AGAP1: variants seen among roughly 807,000 people sequenced by gnomAD.
AGAP1 encodes the protein ArfGAP with GTPase domain, ankyrin repeat and PH domain 1, also known as arf-GAP with GTPase, ANK repeat and PH domain-containing protein 1.
AGAP1 carries 29 observed loss-of-function variants against 105.3 expected under a neutral mutation model. The observed-to-expected ratio is 0.28, with a 90% CI of 0.21 to 0.38. AGAP1 has a LOEUF of 0.38. AGAP1 is among the 10% of genes least tolerant of loss of function. The pLI is 1.00. For missense variants in AGAP1, 998 were observed against 1,165.1 expected (o/e 0.86, Z 2.09); for synonymous variants, 509 against 485.9 (o/e 1.05, Z -0.63).
rs1219367076 is a variant in AGAP1, at chr2:235,957,183, T to C, written c.1484-11279T>C. Reference sequence around the variant, plus strand: ...GTCAGAATATGTACTTTTTTCTTTGTAAGGCTTTATAAACATATTTCAGTA... The same window carrying C: ...GTCAGAATATGTACTTTTTTCTTTGCAAGGCTTTATAAACATATTTCAGTA... On this transcript the variant is annotated intron_variant, in intron 12 of 17. Transcript: ENST00000304032. This position sits in a 1 kb window ranked among gnomAD's most constrained non-coding sequence, Gnocchi z 4.6. Among the ~76,000 whole-genome samples the C allele has an allele frequency of 2.0e-5, 3 of 152,204 alleles. No individual in the cohort carries two copies. The highest frequency in any genetic ancestry group is 4.4e-5 in the Non-Finnish European group (3 of 68,022).
intron 9 of AGAP1, among the ~76,000 whole-genome samples, chr2:235,861,526 G>A (rs533663835): frequency 1.8e-4 from 27 of 152,324 alleles, no homozygotes; most frequent in African/African-American, 6.3e-4. Flanking sequence ...GACATTTGGT[G>A]GAAATGAAAC....
rs1024722480 is a variant in AGAP1, at chr2:235,611,244, G to A, written c.164-97935G>A. Among the ~76,000 whole-genome samples, 1 of 152,210 alleles carries A rather than the reference G, an allele frequency of 6.6e-6. No individual in the cohort carries two copies. The highest frequency in any genetic ancestry group is 1.5e-5 in the Non-Finnish European group (1 of 68,040). ...ACCTTCCCAGGCAGCTGCAAAGGTGGTCTTGGTTTGACTCCCTTGTGGCCC... is the reference window on the plus strand; with the variant it reads ...ACCTTCCCAGGCAGCTGCAAAGGTGATCTTGGTTTGACTCCCTTGTGGCCC... On this transcript the variant is annotated intron_variant, in intron 1 of 17. Transcript: ENST00000304032. This position sits in a 1 kb window ranked among gnomAD's most constrained non-coding sequence, Gnocchi z 5.0.
chr2:235,671,079 C>T, intron 1 of AGAP1: 5 of 1,259,640 alleles, frequency 4.0e-6, no homozygotes, highest in Non-Finnish European at 5.0e-6. Flanking sequence ...GGCCGGGGGT[C>T]CCGGGACGGG....
chr2:236,110,420 G>C (rs1200344883), intron 16 of AGAP1, among the ~76,000 whole-genome samples: 1 of 151,900 alleles, frequency 6.6e-6, no homozygotes. Context: ...AAAATTAGCT[G>C]GGCGTGGTGA....
At chr2:235,903,491 T>C (rs1271206892) in intron 10 of AGAP1, among the ~76,000 whole-genome samples, 2 of 152,204 alleles carry the variant, frequency 1.3e-5, no homozygotes, top group Non-Finnish European at 2.9e-5. Context: ...CAAACCATCT[T>C]TTCACCAGAC....
intron 8 of AGAP1, among the ~76,000 whole-genome samples, chr2:235,804,910 G>A (rs1197447501): frequency 2.6e-5 from 4 of 152,148 alleles, no homozygotes; most frequent in Admixed American, 6.5e-5. Context: ...ATGATTCCTC[G>A]GATCCATTCC....
chr2:235,600,678 G>A lies in AGAP1; in HGVS notation c.163+105829G>A, dbSNP rs1255005691. Among the ~76,000 whole-genome samples the A allele has an allele frequency of 1.3e-5, 2 of 152,176 alleles. No individual in the cohort carries two copies. Among genetic ancestry groups the A allele is most frequent in the African/African-American group, 4.8e-5 (2 of 41,448 alleles). On this transcript the variant is annotated intron_variant, in intron 1 of 17. Coordinates refer to ENST00000304032, the MANE Select transcript of AGAP1 (RefSeq NM_001037131.3). The surrounding 1 kb of genome is among the most constrained non-coding windows in gnomAD (Gnocchi z 4.8). ...CATCCAGCACAGGACAAAGATACAG[G>A]CTGGGAGGCTAAGCCAGTCTTGCCT...
intron 13 of AGAP1, among the ~76,000 whole-genome samples, chr2:235,990,825 G>A (rs761493006): frequency 8.5e-5 from 13 of 152,200 alleles, no homozygotes; most frequent in Admixed American, 1.3e-4. Context: ...AATGTAATTT[G>A]CAACAGTAAA....
intron 16 of AGAP1, among the ~76,000 whole-genome samples, chr2:236,098,225 A>T (rs1346032708): frequency 6.6e-6 from 1 of 152,106 alleles, no homozygotes; most frequent in East Asian, 1.9e-4. Context: ...TGGACTATAC[A>T]CTAATTCCAC....
rs1372941574 is a variant in AGAP1, at chr2:235,728,325, G to GTT, written c.310+10682_310+10683insTT. ...TCTGTGTGTGTGTGTGTGTGTGTGT[G>GTT]TGCGTGCTCTTAAATCAATGTAAAT... On this transcript the variant is annotated intron_variant, in intron 3 of 17. Coordinates refer to ENST00000304032, the MANE Select transcript of AGAP1 (RefSeq NM_001037131.3). This position sits in a 1 kb window ranked among gnomAD's most constrained non-coding sequence, Gnocchi z 4.3. 1.3e-5 allele frequency among the ~76,000 whole-genome samples: 2 copies of GTT among 151,948 alleles called. No individual in the cohort carries two copies. Among genetic ancestry groups the GTT allele is most frequent in the Non-Finnish European group, 2.9e-5 (2 of 68,004 alleles).
rs544173537 is a variant in AGAP1, at chr2:235,581,589, T to A, written c.163+86740T>A. On this transcript the variant is annotated intron_variant, in intron 1 of 17. Coordinates refer to ENST00000304032, the MANE Select transcript of AGAP1 (RefSeq NM_001037131.3). ...GGGAGGCCAAAGCAGGCAGATTGCC[T>A]GAACTCAGGAGTTCAAGACCAGCCT... Among the ~76,000 whole-genome samples, 202 of 152,132 alleles carry A rather than the reference T, an allele frequency of 1.3e-3. 3 individuals carry two copies. Among genetic ancestry groups the A allele is most frequent in the South Asian group, 5.8e-3 (28 of 4,814 alleles).
chr2:235,848,987 C>T (rs1158647962), intron 9 of AGAP1, among the ~76,000 whole-genome samples: 1 of 152,160 alleles, frequency 6.6e-6, no homozygotes, highest in Non-Finnish European at 1.5e-5. Flanking sequence ...CCATGTTGTT[C>T]CTTAAAGCTC....
In AGAP1 at chr2:235,665,298, C is replaced by T. The variant is rs909010794; in HGVS notation, c.164-43881C>T. 6.6e-6 allele frequency among the ~76,000 whole-genome samples: 1 copy of T among 152,206 alleles called. No individual in the cohort carries two copies. Among genetic ancestry groups the T allele is most frequent in the East Asian group, 1.9e-4 (1 of 5,188 alleles). On this transcript the variant is annotated intron_variant, in intron 1 of 17. Transcript: ENST00000304032. The surrounding 1 kb of genome is among the most constrained non-coding windows in gnomAD (Gnocchi z 5.3). ...AAAACACAGGAAGGATGCAGGTGCT[C>T]AGAGGACCTTCTGGGGTCTTTTTTC...
rs1435311470 is a variant in AGAP1 at position 236,073,948 on chromosome 2, C to A, written c.2114+24667C>A. 1.3e-5 allele frequency among the ~76,000 whole-genome samples: 2 copies of A among 152,144 alleles called. No homozygotes were observed. Among genetic ancestry groups the A allele is most frequent in the African/African-American group, 2.4e-5 (1 of 41,464 alleles). ...CACATCCCAGCTCAAGAACCACCCT[C>A]TGGGTGCCAAGGTCTCCTCCAGGAG... On this transcript the variant is annotated intron_variant, in intron 16 of 17. Coordinates refer to ENST00000304032, the MANE Select transcript of AGAP1 (RefSeq NM_001037131.3). The surrounding 1 kb of genome is among the most constrained non-coding windows in gnomAD (Gnocchi z 5.4).
intron 16 of AGAP1, among the ~76,000 whole-genome samples, chr2:236,088,488 TTGGGTGATAGCTAG>T (rs2058984253): frequency 6.6e-6 from 1 of 152,284 alleles, no homozygotes; most frequent in Non-Finnish European, 1.5e-5. Context: ...TGTTGGGCTA[TTGGGTGATAGCTAG>T]TGGGTGATAG....
intron 6 of AGAP1, among the ~76,000 whole-genome samples, chr2:235,766,908 T>A (rs1955001718): frequency 7.2e-5 from 1 of 13,856 alleles, no homozygotes; most frequent in African/African-American, 1.1e-4. Context: ...CACCGGCTAA[T>A]TTTTTTTTTT....
chr2:235,675,764 C>T (rs1044022467), intron 1 of AGAP1, among the ~76,000 whole-genome samples: 1 of 152,170 alleles, frequency 6.6e-6, no homozygotes, highest in East Asian at 1.9e-4. Context: ...CCTTCTAAGT[C>T]ACCGCTGTGG....
At chr2:236,094,589 C>T (rs1184895826) in intron 16 of AGAP1, among the ~76,000 whole-genome samples, 2 of 152,074 alleles carry the variant, frequency 1.3e-5, no homozygotes, top group Non-Finnish European at 2.9e-5. Context: ...TGGATTCAAG[C>T]GATCCTCCCA....
At chr2:235,849,969 C>T (rs993286830) in intron 9 of AGAP1, among the ~76,000 whole-genome samples, 8 of 152,352 alleles carry the variant, frequency 5.3e-5, no homozygotes, top group Middle Eastern at 3.4e-3. Flanking sequence ...CAGCCTTCTT[C>T]ATAGCCTCTT....
Sources: allele counts gnomAD v4.1 joint callset (sites outside exome capture counted in the v4.1 genomes callset), GRCh38; gene constraint gnomAD v4.1.1; non-coding constraint Gnocchi (gnomAD v3.1); transcripts MANE v1.5; gene names NCBI Gene and HGNC (gene_info 2026-07-23, HGNC 2026-07-21).